The following MPP7 variants were observed in gnomAD, a reference collection of about 807,000 sequenced individuals.
The protein encoded by MPP7 is MAGUK p55 scaffold protein 7, also known as MAGUK p55 subfamily member 7.
A neutral mutation model predicts 76.5 loss-of-function variants in MPP7; 60 were observed. The ratio of observed to expected loss-of-function variants is 0.78; its 90% CI spans 0.64 to 0.97. MPP7 has a LOEUF of 0.97. Among genes scored for constraint, MPP7 ranks in the 50% least tolerant of loss-of-function variants. MPP7 has a pLI of 0.00. For synonymous variants in MPP7, 237 were observed against 244.5 expected (o/e 0.97, Z 0.29); for missense variants, 641 against 694.0 (o/e 0.92, Z 0.86).
At position 28,090,005 on chromosome 10, in the gene MPP7, A is replaced by C. The variant is rs936393274; in HGVS notation, c.953-164T>G. Among the ~76,000 whole-genome samples the C allele has an allele frequency of 2.0e-5, 3 of 152,132 alleles. No individual in the cohort carries two copies. In the East Asian group the frequency reaches 5.8e-4, roughly 29 times the overall value. On this transcript the variant is annotated intron_variant, in intron 11 of 16. Coordinates refer to ENST00000683449, the MANE Select transcript of MPP7 (RefSeq NM_001318170.2). ...AGACAGGGTCTCACTCTGTTGCCCA[A>C]CCTGGAGAGCAGTGGCGCCATCACA...
At chr10:28,283,117 C>T (rs1840718802) in intron 1 of MPP7, among the ~76,000 whole-genome samples, 1 of 151,918 alleles carries the variant, frequency 6.6e-6, no homozygotes, top group African/African-American at 2.4e-5. Flanking sequence ...ACTTAAGGCA[C>T]TGGCCAAAAT....
chr10:28,252,371 G>A (rs1839642983), intron 1 of MPP7, among the ~76,000 whole-genome samples: 1 of 152,192 alleles, frequency 6.6e-6, no homozygotes, highest in Non-Finnish European at 1.5e-5. Context: ...TCCCCCACAG[G>A]GGAATCACTG....
chr10:28,311,090 A>G (rs1168552949), intron 2 of MPP7, among the ~76,000 whole-genome samples: 1 of 152,224 alleles, frequency 6.6e-6, no homozygotes, highest in Non-Finnish European at 1.5e-5. Context: ...TACTGAACTA[A>G]CTCATTTGGA....
At chr10:28,213,333 C>G (rs1413839941) in intron 2 of MPP7, among the ~76,000 whole-genome samples, 4 of 151,998 alleles carry the variant, frequency 2.6e-5, no homozygotes, top group Non-Finnish European at 5.9e-5. Flanking sequence ...GAGGGCAGCT[C>G]CTCTATGGTC....
At chr10:28,180,007 A>G (rs1304017940) in intron 3 of MPP7, among the ~76,000 whole-genome samples, 1 of 152,224 alleles carries the variant, frequency 6.6e-6, no homozygotes, top group Non-Finnish European at 1.5e-5. Flanking sequence ...CAAAGTGAGA[A>G]AGAAAATAAA....
chr10:28,274,510 AAAT>A (rs1840431336), intron 1 of MPP7, among the ~76,000 whole-genome samples: 1 of 152,196 alleles, frequency 6.6e-6, no homozygotes. Context: ...GAAACAAAAT[AAAT>A]AATATAGTTT....
intron 5 of MPP7, among the ~76,000 whole-genome samples, chr10:28,140,153 T>A (rs1265376213): frequency 6.6e-6 from 1 of 152,230 alleles, no homozygotes; most frequent in Non-Finnish European, 1.5e-5. Flanking sequence ...TACTCTTAAA[T>A]GTGTTTGTAA....
chr10:28,150,043 T>C lies in MPP7; in HGVS notation c.173A>G (p.His58Arg), dbSNP rs771155103. The C allele has an allele frequency of 1.2e-6, 2 of 1,613,536 alleles. No individual in the cohort carries two copies. The highest frequency in any genetic ancestry group is 1.1e-5 in the South Asian group (1 of 91,020). The change falls in exon 4 of 17, where the codon CAC (histidine) becomes CGC (arginine). Residue 58 changes from histidine to arginine, a missense_variant. Coordinates refer to ENST00000683449, the MANE Select transcript of MPP7 (RefSeq NM_001318170.2). ...HSLVKIHEKL[H>R]YYEKQSPVPI... ...CACCGGACTCTGCTTCTCATAGTAG[T>C]GTAGTTTTTCATGAATCTGGAAGAA...
chr10:28,287,199 C>G (rs1840808766), intron 1 of MPP7, among the ~76,000 whole-genome samples: 1 of 151,950 alleles, frequency 6.6e-6, no homozygotes, highest in Non-Finnish European at 1.5e-5. Context: ...GTCAAGCCTT[C>G]AAACAAAAAT....
intron 3 of MPP7, among the ~76,000 whole-genome samples, chr10:28,155,894 G>A (rs1293432781): frequency 6.6e-6 from 1 of 152,062 alleles, no homozygotes; most frequent in Non-Finnish European, 1.5e-5. Flanking sequence ...CCTCTCAGCA[G>A]CCACCACACT....
At chr10:28,091,448 C>G (rs1252821095) in intron 11 of MPP7, among the ~76,000 whole-genome samples, 1 of 151,932 alleles carries the variant, frequency 6.6e-6, no homozygotes, top group African/African-American at 2.4e-5. Flanking sequence ...CCATCACGCC[C>G]GGCTAACTTT....
chr10:28,265,572 C>T (rs1401091903), intron 1 of MPP7, among the ~76,000 whole-genome samples: 1 of 151,916 alleles, frequency 6.6e-6, no homozygotes, highest in Non-Finnish European at 1.5e-5. Context: ...ACCCCACCCC[C>T]AAAAAATGCC....
chr10:28,166,317 T>C (rs1017323688), intron 3 of MPP7, among the ~76,000 whole-genome samples: 3 of 151,684 alleles, frequency 2.0e-5, no homozygotes. Context: ...ATATTTTACA[T>C]CTAACCCTGT....
intron 3 of MPP7, among the ~76,000 whole-genome samples, chr10:28,165,751 G>A (rs999747074): frequency 2.0e-5 from 3 of 152,102 alleles, no homozygotes; most frequent in Admixed American, 6.6e-5. Flanking sequence ...CTGGCCAGGC[G>A]TGGTGGCTCA....
intron 16 of MPP7, among the ~76,000 whole-genome samples, chr10:28,055,648 A>G (rs1851525486): frequency 1.3e-5 from 2 of 152,282 alleles, no homozygotes; most frequent in Non-Finnish European, 2.9e-5. Context: ...TACTTATCCT[A>G]TACCCAAAAT....
chr10:28,265,920 A>C (rs909719747), intron 1 of MPP7, among the ~76,000 whole-genome samples: 1 of 152,184 alleles, frequency 6.6e-6, no homozygotes, highest in Non-Finnish European at 1.5e-5. Flanking sequence ...TTACATGCTA[A>C]GGGATTTACA....
chr10:28,083,596 G>T (rs1852867922), intron 12 of MPP7, among the ~76,000 whole-genome samples: 1 of 141,910 alleles, frequency 7.0e-6, no homozygotes. Context: ...GAAGTGCACT[G>T]GCATGATCTC....
chr10:28,101,464 T>C (rs1330188858), intron 11 of MPP7, among the ~76,000 whole-genome samples: 1 of 152,030 alleles, frequency 6.6e-6, no homozygotes, highest in Non-Finnish European at 1.5e-5. Context: ...TAGGAGTAGA[T>C]GTGGGTAAAT....
At chr10:28,058,739 C>T (rs1851661188) in intron 14 of MPP7, 136 bp from the exon 15 acceptor site, 2 of 429,432 alleles carry the variant, frequency 4.7e-6, no homozygotes, top group South Asian at 6.7e-5. Context: ...ATAAACAGAG[C>T]CAAGTATTTC....
Sources: allele counts gnomAD v4.1 joint callset (sites outside exome capture counted in the v4.1 genomes callset), GRCh38; gene constraint gnomAD v4.1.1; transcripts MANE v1.5; gene names NCBI Gene and HGNC (gene_info 2026-07-23, HGNC 2026-07-21).